LARGE1: variants seen among roughly 807,000 people sequenced by gnomAD.
LARGE1 encodes the protein xylosyl- and glucuronyltransferase LARGE1.
Under a neutral mutation model 87.6 loss-of-function variants are expected in LARGE1, and 43 were observed. The observed-to-expected ratio is 0.49, with a 90% CI of 0.38 to 0.63. The LOEUF is 0.63. Ranked by LOEUF, LARGE1 falls within the 30% of genes least tolerant of loss-of-function variation. The probability of loss-of-function intolerance (pLI) is 0.00; values close to 1 mark genes in which losing one functional copy is unlikely to be tolerated. For synonymous variants in LARGE1, 434 were observed against 394.6 expected (o/e 1.10, Z -1.18); for missense variants, 802 against 1,000.2 (o/e 0.80, Z 2.67).
the LARGE1 span, among the ~76,000 whole-genome samples, chr22:33,127,405 A>G: frequency 6.6e-6 from 1 of 152,234 alleles, no homozygotes; most frequent in African/African-American, 2.4e-5. Context: ...ACTCAAGTCC[A>G]GAGTTAAACG....
intron 11 of LARGE1, among the ~76,000 whole-genome samples, chr22:33,219,726 G>T (rs988209557): frequency 6.6e-6 from 1 of 152,172 alleles, no homozygotes; most frequent in Admixed American, 6.5e-5. Flanking sequence ...ACCATTGCCA[G>T]AAGTGACCCT....
chr22:33,460,216 A>G (rs2068318001), intron 6 of LARGE1, among the ~76,000 whole-genome samples: 1 of 152,212 alleles, frequency 6.6e-6, no homozygotes, highest in African/African-American at 2.4e-5. Context: ...TCTCTTGCTG[A>G]GCTTCCACTG....
chr22:33,317,611 G>C (rs1569048766), intron 10 of LARGE1, among the ~76,000 whole-genome samples: 3 of 152,154 alleles, frequency 2.0e-5, no homozygotes, highest in African/African-American at 7.2e-5. Flanking sequence ...TGCTGACAGG[G>C]AGCTAAGAAG....
At chr22:33,685,215 T>G (rs1311437357) in intron 2 of LARGE1, among the ~76,000 whole-genome samples, 1 of 152,202 alleles carries the variant, frequency 6.6e-6, no homozygotes, top group African/African-American at 2.4e-5. Context: ...GGGCACTGGA[T>G]GAAGTGCTGA....
At chr22:33,678,814 A>T (rs1340098125) in intron 2 of LARGE1, among the ~76,000 whole-genome samples, 3 of 152,200 alleles carry the variant, frequency 2.0e-5, no homozygotes, top group Non-Finnish European at 2.9e-5. Context: ...CCGTTTTGCC[A>T]TGCGATGGTC....
intron 7 of LARGE1, among the ~76,000 whole-genome samples, chr22:33,424,746 G>A (rs1001360535): frequency 6.6e-6 from 1 of 151,878 alleles, no homozygotes; most frequent in Non-Finnish European, 1.5e-5. Context: ...GATCGCTTGA[G>A]CCTGCAAGGT....
intron 1 of LARGE1, among the ~76,000 whole-genome samples, chr22:33,865,568 T>C (rs2064068462): frequency 6.6e-6 from 1 of 152,116 alleles, no homozygotes. Flanking sequence ...TTATGAACAA[T>C]GAGATCCTTT....
At chr22:33,473,026 G>A (rs2068914166) in intron 6 of LARGE1, among the ~76,000 whole-genome samples, 1 of 152,188 alleles carries the variant, frequency 6.6e-6, no homozygotes. Context: ...GGACTGAGGG[G>A]TTTCCTGAAT....
chr22:33,221,244 A>G (rs566738723), intron 11 of LARGE1, among the ~76,000 whole-genome samples: 136 of 152,256 alleles, frequency 8.9e-4, no homozygotes, highest in Non-Finnish European at 1.7e-3. Context: ...TCTGATTACA[A>G]ATTTAGTGCT....
At chr22:33,725,948 G>A (rs368935102) in intron 2 of LARGE1, among the ~76,000 whole-genome samples, 2 of 152,102 alleles carry the variant, frequency 1.3e-5, no homozygotes, top group African/African-American at 2.4e-5. Context: ...ACAAATCAGG[G>A]GAGAGATGCT....
At chr22:33,282,262 T>C (rs1930584670) in intron 13 of LARGE1, among the ~76,000 whole-genome samples, 1 of 152,176 alleles carries the variant, frequency 6.6e-6, no homozygotes, top group Admixed American at 6.5e-5. Context: ...GGAGAATTGC[T>C]TGAACCCAGG....
chr22:33,392,046 G>A (rs981280350), intron 7 of LARGE1, among the ~76,000 whole-genome samples: 112 of 151,980 alleles, frequency 7.4e-4, no homozygotes, highest in African/African-American at 2.6e-3. Flanking sequence ...TGCAATTACA[G>A]GTGTGAGCCA....
chr22:33,370,592 C>T (rs2064771042), intron 9 of LARGE1, among the ~76,000 whole-genome samples: 3 of 152,130 alleles, frequency 2.0e-5, no homozygotes, highest in East Asian at 1.9e-4. Flanking sequence ...GTATTACTAT[C>T]TCATGGCTAA....
intron 10 of LARGE1, among the ~76,000 whole-genome samples, chr22:33,327,910 A>G (rs1391034038): frequency 6.6e-6 from 1 of 152,194 alleles, no homozygotes; most frequent in African/African-American, 2.4e-5. Flanking sequence ...CAAGAAAAGG[A>G]CTTGTTATAG....
At chr22:33,902,424 G>C (rs1175694893) in intron 1 of LARGE1, among the ~76,000 whole-genome samples, 1 of 152,186 alleles carries the variant, frequency 6.6e-6, no homozygotes, top group East Asian at 1.9e-4. Context: ...CAGAGAAGCT[G>C]TCAATTGCAA....
chr22:33,779,039 C>T (rs77142503), intron 1 of LARGE1, among the ~76,000 whole-genome samples: 2,134 of 152,260 alleles, frequency 0.014, 58 homozygotes, highest in African/African-American at 0.049. Context: ...TTATATTTGG[C>T]ATGCTTTTAC....
At chr22:33,560,060 A>G (rs1205114366) in intron 6 of LARGE1, among the ~76,000 whole-genome samples, 2 of 152,188 alleles carry the variant, frequency 1.3e-5, no homozygotes, top group African/African-American at 2.4e-5. Context: ...AGGAGGGTGC[A>G]GAGTAAAGAG....
chr22:33,455,473 T>TA (rs1274604191), intron 6 of LARGE1, among the ~76,000 whole-genome samples: 1 of 152,000 alleles, frequency 6.6e-6, no homozygotes, highest in East Asian at 1.9e-4. Context: ...GGTGAGCTGC[T>TA]AAAAAAATTG....
intron 1 of LARGE1, among the ~76,000 whole-genome samples, chr22:33,826,073 T>C (rs1219603306): frequency 2.0e-5 from 3 of 152,252 alleles, no homozygotes; most frequent in South Asian, 2.1e-4. Flanking sequence ...TTTTTTAATA[T>C]AGTGGTAAAA....
Sources: allele counts gnomAD v4.1 joint callset (sites outside exome capture counted in the v4.1 genomes callset), GRCh38; gene constraint gnomAD v4.1.1; transcripts MANE v1.5; gene names NCBI Gene and HGNC (gene_info 2026-07-23, HGNC 2026-07-21).